The following RHOU variants were observed in gnomAD, a reference collection of about 807,000 sequenced individuals.
RHOU encodes the protein rho-related GTP-binding protein RhoU.
Under a neutral mutation model 12.6 loss-of-function variants are expected in RHOU, and 8 were observed. That is an observed-to-expected ratio of 0.64 (90% CI 0.37 to 1.15). The LOEUF is 1.15. Among genes scored for constraint, RHOU ranks in the 50% most tolerant of loss-of-function variants. The pLI is 0.01. For missense variants in RHOU, 258 were observed against 347.0 expected (o/e 0.74, Z 2.04); for synonymous variants, 161 against 147.4 (o/e 1.09, Z -0.67).
chr1:228,665,637 C>T, the RHOU span, among the ~76,000 whole-genome samples: 1 of 151,978 alleles, frequency 6.6e-6, no homozygotes, highest in Non-Finnish European at 1.5e-5. Flanking sequence ...TCCCAGAGTC[C>T]CAGGATTGAG....
At chr1:228,657,011 CACG>C in the RHOU span, among the ~76,000 whole-genome samples, 2 of 151,962 alleles carry the variant, frequency 1.3e-5, no homozygotes, top group African/African-American at 4.8e-5. Context: ...AGTGGTGGCT[CACG>C]CCTGTAATCC....
chr1:228,672,173 A>G, the RHOU span, among the ~76,000 whole-genome samples: 2 of 152,238 alleles, frequency 1.3e-5, no homozygotes, highest in African/African-American at 4.8e-5. Flanking sequence ...ATATACACAC[A>G]TACATGTTTT....
At chr1:228,719,382 A>G in the RHOU span, among the ~76,000 whole-genome samples, 1 of 152,200 alleles carries the variant, frequency 6.6e-6, no homozygotes, top group Non-Finnish European at 1.5e-5. Context: ...GGAGTATATT[A>G]TCACACTAAT....
chr1:228,745,400 T>A lies in RHOU; in HGVS notation c.*1660T>A, dbSNP rs1210505251. 6.6e-6 allele frequency: 1 copy of A among 152,208 alleles called. No individual in the cohort carries two copies. Among genetic ancestry groups the A allele is most frequent in the Admixed American group, 6.5e-5 (1 of 15,286 alleles). 9.4% of individuals were successfully genotyped at this position (152,208 alleles called of 1,614,324 possible). On this transcript the variant is annotated 3_prime_UTR_variant, in exon 3 of 3. Transcript: ENST00000366691. ...TAGAAGAATTTTATTTTTCTGTGGG[T>A]TTTGTGTTGTCTTTTTTATGTTAAA...
At chr1:228,676,256 C>T in the RHOU span, among the ~76,000 whole-genome samples, 1 of 152,152 alleles carries the variant, frequency 6.6e-6, no homozygotes, top group Non-Finnish European at 1.5e-5. Context: ...CAGGTGTGAG[C>T]CTCAGTGCCT....
chr1:228,669,528 A>G, the RHOU span, among the ~76,000 whole-genome samples: 1 of 152,220 alleles, frequency 6.6e-6, no homozygotes, highest in African/African-American at 2.4e-5. Flanking sequence ...TCTGCAGGCT[A>G]TAACTGAAGG....
the RHOU span, among the ~76,000 whole-genome samples, chr1:228,678,926 T>C: frequency 2.2e-3 from 333 of 152,178 alleles, no homozygotes; most frequent in African/African-American, 7.8e-3. Flanking sequence ...GGTCAAGTTA[T>C]TTGGACAGAA....
chr1:228,736,116 C>A, intron 1 of RHOU, 112 bp downstream of exon 1: 1 of 1,106,426 alleles, frequency 9.0e-7, no homozygotes, highest in Non-Finnish European at 1.2e-6. Flanking sequence ...GCCCCGGGCG[C>A]GGCTCCAGCT....
the RHOU span, among the ~76,000 whole-genome samples, chr1:228,647,751 G>T: frequency 1.3e-5 from 2 of 152,196 alleles, no homozygotes; most frequent in African/African-American, 4.8e-5. Context: ...ATCCTGAATA[G>T]TTGTGATGTT....
chr1:228,680,560 A>G, the RHOU span, among the ~76,000 whole-genome samples: 7 of 152,132 alleles, frequency 4.6e-5, no homozygotes, highest in African/African-American at 1.7e-4. Context: ...CCTCCTCTCT[A>G]TTATTGTACA....
intron 1 of RHOU, among the ~76,000 whole-genome samples, chr1:228,736,848 T>C (rs1329842163): frequency 6.6e-6 from 1 of 152,128 alleles, no homozygotes; most frequent in Non-Finnish European, 1.5e-5. Flanking sequence ...AAAAATTGCT[T>C]CTCTGACCTT....
the RHOU span, among the ~76,000 whole-genome samples, chr1:228,698,693 T>C: frequency 1.3e-5 from 2 of 152,276 alleles, no homozygotes; most frequent in Non-Finnish European, 1.5e-5. Context: ...GCAATGTTCT[T>C]ATAGACAAAG....
At chr1:228,697,873 G>C in the RHOU span, among the ~76,000 whole-genome samples, 1 of 152,276 alleles carries the variant, frequency 6.6e-6, no homozygotes, top group African/African-American at 2.4e-5. Context: ...GGGGTGACTA[G>C]TTTGTCACTG....
chr1:228,697,725 A>G, the RHOU span, among the ~76,000 whole-genome samples: 3 of 152,312 alleles, frequency 2.0e-5, no homozygotes, highest in South Asian at 4.1e-4. Flanking sequence ...AGATGTTGCC[A>G]TTGAAATGTG....
chr1:228,654,542 C>T, the RHOU span, among the ~76,000 whole-genome samples: 1 of 152,190 alleles, frequency 6.6e-6, no homozygotes, highest in African/African-American at 2.4e-5. Context: ...ATGATGTGGG[C>T]AGCTTTTCCC....
At chr1:228,679,517 T>C in the RHOU span, among the ~76,000 whole-genome samples, 50 of 152,010 alleles carry the variant, frequency 3.3e-4, no homozygotes, top group African/African-American at 1.2e-3. Context: ...TAGGAGAATA[T>C]ATGGGTTTGG....
the RHOU span, among the ~76,000 whole-genome samples, chr1:228,715,194 C>T: frequency 2.0e-5 from 3 of 148,082 alleles, no homozygotes; most frequent in African/African-American, 5.0e-5. Flanking sequence ...GAATTTAATT[C>T]ATTTATTTAA....
At chr1:228,716,855 C>T in the RHOU span, among the ~76,000 whole-genome samples, 2 of 152,110 alleles carry the variant, frequency 1.3e-5, no homozygotes, top group African/African-American at 4.8e-5. Flanking sequence ...CTCACCCAGG[C>T]ACAGTCTGAA....
At chr1:228,675,808 A>G in the RHOU span, among the ~76,000 whole-genome samples, 1 of 152,230 alleles carries the variant, frequency 6.6e-6, no homozygotes, top group Admixed American at 6.5e-5. Flanking sequence ...TTGACCTAAA[A>G]AGAAGAAGCA....
Sources: gnomAD v4.1 joint callset for allele counts (sites outside exome capture counted in the v4.1 genomes callset) on GRCh38, gnomAD v4.1.1 for gene constraint, MANE v1.5 for transcripts, NCBI Gene and HGNC (gene_info 2026-07-23, HGNC 2026-07-21) for gene names.